The following MAN2A1 variants were observed in gnomAD, a reference collection of about 807,000 sequenced individuals.
MAN2A1 encodes alpha-mannosidase 2.
A neutral mutation model predicts 142.6 loss-of-function variants in MAN2A1; 76 were observed. The observed-to-expected ratio is 0.53, with a 90% CI of 0.44 to 0.65. The LOEUF (loss-of-function observed/expected upper bound fraction) is 0.65. MAN2A1 is among the 30% of genes least tolerant of loss of function. MAN2A1 has a pLI of 0.00. For synonymous variants in MAN2A1, 559 were observed against 473.2 expected (o/e 1.18, Z -2.35); for missense variants, 1,311 against 1,365.1 (o/e 0.96, Z 0.62).
intron 4 of MAN2A1, among the ~76,000 whole-genome samples, chr5:109,750,143 A>G (rs1043330422): frequency 1.3e-5 from 2 of 151,996 alleles, no homozygotes; most frequent in Non-Finnish European, 2.9e-5. Flanking sequence ...GCTTCTCAGT[A>G]ATTAGGTTGA....
chr5:109,773,227 C>T (rs1032072091), intron 7 of MAN2A1, among the ~76,000 whole-genome samples: 1 of 152,162 alleles, frequency 6.6e-6, no homozygotes, highest in South Asian at 2.1e-4. Flanking sequence ...GGTTACTTGG[C>T]TTTCCCAGTG....
Position 109,732,460 on chromosome 5 carries a change from T to TTA in MAN2A1, c.707+2947_707+2948insTA, listed in dbSNP as rs1284838209. Reference sequence around the variant, plus strand: ...CTCATGCCTATGTCCTGAATGGTAATGCCTAGGTTTTCTTCTAGGGTTTTT... The same window carrying TTA: ...CTCATGCCTATGTCCTGAATGGTAATTAGCCTAGGTTTTCTTCTAGGGTTTTT... On this transcript the variant is annotated intron_variant, in intron 4 of 21. Coordinates refer to ENST00000261483, the MANE Select transcript of MAN2A1 (RefSeq NM_002372.4). 2.0e-5 allele frequency among the ~76,000 whole-genome samples: 3 copies of TTA among 152,348 alleles called. No individual in the cohort carries two copies. The East Asian group carries it at 5.8e-4, about 29-fold the overall frequency.
At chr5:109,814,222 C>T (rs991988594) in intron 12 of MAN2A1, among the ~76,000 whole-genome samples, 4 of 152,064 alleles carry the variant, frequency 2.6e-5, no homozygotes, top group Non-Finnish European at 5.9e-5. Flanking sequence ...TAATGTGGAT[C>T]AAATATTGTT....
intron 5 of MAN2A1, among the ~76,000 whole-genome samples, chr5:109,763,219 T>C (rs949110764): frequency 6.6e-6 from 1 of 152,216 alleles, no homozygotes; most frequent in Non-Finnish European, 1.5e-5. Context: ...TTTTGGGGTG[T>C]ACTGCAGCTG....
chr5:109,776,598 T>A (rs1753299550), intron 8 of MAN2A1, among the ~76,000 whole-genome samples: 2 of 152,148 alleles, frequency 1.3e-5, no homozygotes, highest in Non-Finnish European at 2.9e-5. Context: ...AACAGTTTTT[T>A]AAAAGTCATT....
chr5:109,792,674 G>T (rs1018901041), intron 12 of MAN2A1, among the ~76,000 whole-genome samples: 7 of 152,060 alleles, frequency 4.6e-5, no homozygotes, highest in African/African-American at 1.7e-4. Flanking sequence ...CTTGCTTGGG[G>T]TCTCTCATAC....
intron 1 of MAN2A1, among the ~76,000 whole-genome samples, chr5:109,708,350 G>T: frequency 6.6e-6 from 1 of 152,114 alleles, no homozygotes. Context: ...GATGCTGATT[G>T]TAATGGGCAG....
intron 9 of MAN2A1, among the ~76,000 whole-genome samples, chr5:109,782,808 A>G (rs1461300625): frequency 2.0e-5 from 3 of 152,090 alleles, no homozygotes; most frequent in African/African-American, 4.8e-5. Context: ...TTAGTTGTAC[A>G]TATTTATGGA....
intron 4 of MAN2A1, among the ~76,000 whole-genome samples, chr5:109,731,254 A>T (rs918938657): frequency 2.0e-5 from 3 of 151,756 alleles, no homozygotes; most frequent in African/African-American, 7.3e-5. Context: ...TTTGAAATAT[A>T]TGATACATTA....
chr5:109,809,741 GT>G (rs1363189514), intron 12 of MAN2A1, among the ~76,000 whole-genome samples: 1 of 152,042 alleles, frequency 6.6e-6, no homozygotes, highest in Non-Finnish European at 1.5e-5. Context: ...GGATCACAGA[GT>G]TTTTTTGTAT....
Position 109,819,828 on chromosome 5 carries a change from G to A in MAN2A1, c.2269G>A (p.Gly757Ser). The A allele has an allele frequency of 1.2e-6, 2 of 1,611,128 alleles. No individual in the cohort carries two copies. Among genetic ancestry groups the A allele is most frequent in the Non-Finnish European group, 1.7e-6 (2 of 1,178,532 alleles). The change falls in exon 14 of 22, where the codon GGT becomes AGT. Residue 757 changes from glycine to serine, a missense_variant. Gly to Ser is a moderately conservative substitution (Grantham distance 56). Transcript: ENST00000261483. ...TIKNMINTEEGITLENSFVLL... is the reference protein window; with the variant it reads ...TIKNMINTEESITLENSFVLL... ...AAAGAATATGATAAATACTGAAGAA[G>A]GTATAACACTAGAGAACTCCTTTGT... is the stretch of plus-strand genomic sequence containing the variant.
At chr5:109,834,190 G>A (rs190669590) in intron 16 of MAN2A1, among the ~76,000 whole-genome samples, 1 of 152,270 alleles carries the variant, frequency 6.6e-6, no homozygotes, top group African/African-American at 2.4e-5. Flanking sequence ...CAGATGTGCA[G>A]ATCAAATATC....
At position 109,847,659 on chromosome 5, in the gene MAN2A1, C is replaced by G; in HGVS notation, c.2845C>G (p.Gln949Glu). Residue 949 changes from glutamine (Q) to glutamate (E), a missense_variant and splice_region_variant, in exon 19 of 22, where the codon CAG (glutamine) becomes GAG (glutamate). Physicochemically the swap from Gln to Glu is conservative, Grantham distance 29 (BLOSUM62 2). This residue lies in a region of MAN2A1 where 890 missense variants were observed against 920.5 expected (regional missense o/e 0.97). Coordinates refer to ENST00000261483, the MANE Select transcript of MAN2A1 (RefSeq NM_002372.4). Reference sequence around the variant, plus strand: ...TTGTTTGTTTGTTTGTGTGTTAGGTCAGATTGAAGTTATCATGGATCGAAG... The same window carrying G: ...TTGTTTGTTTGTTTGTGTGTTAGGTGAGATTGAAGTTATCATGGATCGAAG... The part of the protein sequence containing the change: ...SLGVSSLNSG[Q>E]IEVIMDRRLM... The G allele has an allele frequency of 1.3e-6, 2 of 1,536,194 alleles. No homozygotes were observed. The highest frequency in any genetic ancestry group is 2.1e-5 in the Admixed American group (1 of 47,596).
At position 109,795,813 on chromosome 5, in the gene MAN2A1, T is replaced by A. The variant is rs1321138865; in HGVS notation, c.1943+6286T>A. ...CTATTAGGAAGTTAGGTAGCTTTTC[T>A]TTTTTTTCTCTTCTTCCTCCCTGCC... On this transcript the variant is annotated intron_variant, in intron 12 of 21. Coordinates refer to ENST00000261483, the MANE Select transcript of MAN2A1 (RefSeq NM_002372.4). Among the ~76,000 whole-genome samples the A allele has an allele frequency of 2.0e-5, 3 of 152,042 alleles. No homozygotes were observed. The East Asian group carries it at 5.8e-4, about 29-fold the overall frequency.
intron 1 of MAN2A1, among the ~76,000 whole-genome samples, chr5:109,703,907 G>A (rs1174809610): frequency 6.6e-6 from 1 of 152,124 alleles, no homozygotes; most frequent in African/African-American, 2.4e-5. Flanking sequence ...CAGCCATATT[G>A]GGCTGGTGCA....
intron 9 of MAN2A1, among the ~76,000 whole-genome samples, chr5:109,782,273 T>G (rs1428200243): frequency 2.6e-5 from 4 of 152,202 alleles, no homozygotes; most frequent in Non-Finnish European, 5.9e-5. Flanking sequence ...AGGAGAACTT[T>G]CAATCACTGA....
rs45476898 is a variant in MAN2A1, at chr5:109,819,786, A to G, written c.2227A>G (p.Ser743Gly). The G allele has an allele frequency of 8.4e-5, 136 of 1,610,018 alleles. No individual in the cohort carries two copies. In the East Asian group the frequency reaches 3.0e-3, roughly 35 times the overall value. ...YVLYKNKVEDSGIFTIKNMIN... is the reference protein window; with the variant it reads ...YVLYKNKVEDGGIFTIKNMIN... ...CTTGTATAAGAATAAAGTAGAAGAT[A>G]GCGGAATTTTCACCATAAAGAATAT... The change falls in exon 14 of 22, where the codon AGC becomes GGC. Residue 743 changes from serine to glycine, a missense_variant. This residue lies in a region of MAN2A1 where 890 missense variants were observed against 920.5 expected (regional missense o/e 0.97). Transcript: ENST00000261483.
At chr5:109,752,241 T>C (rs1325292351) in intron 4 of MAN2A1, among the ~76,000 whole-genome samples, 1 of 152,222 alleles carries the variant, frequency 6.6e-6, no homozygotes, top group Non-Finnish European at 1.5e-5. Flanking sequence ...CTAGATCATA[T>C]CATCTCATAC....
rs1751842075 is a variant in MAN2A1, at chr5:109,729,527, C to CT, written c.707+20dup. On this transcript the variant is annotated intron_variant, in intron 4 of 21. Transcript: ENST00000261483. Reference sequence around the variant, plus strand: ...TGCTGTTAAAAGGTTTGTTTTAAAACTTTTTTGGAATTTGGTAATATTAAA... The same window carrying CT: ...TGCTGTTAAAAGGTTTGTTTTAAAACTTTTTTTGGAATTTGGTAATATTAAA... The CT allele has an allele frequency of 2.1e-6, 3 of 1,415,334 alleles. No individual in the cohort carries two copies. The highest frequency in any genetic ancestry group is 1.5e-5 in the African/African-American group (1 of 68,208). 87.7% of individuals were successfully genotyped at this position (1,415,334 alleles called of 1,614,324 possible). A position where few individuals can be genotyped will look rare whatever the true frequency, so the allele number is the denominator to read the frequency against.
Sources: allele counts gnomAD v4.1 joint callset (sites outside exome capture counted in the v4.1 genomes callset), GRCh38; gene constraint gnomAD v4.1.1; regional missense constraint gnomAD v4.1.1; transcripts MANE v1.5; gene names NCBI Gene and HGNC (gene_info 2026-07-23, HGNC 2026-07-21).